The following CACNA2D1 variants were observed in gnomAD, a reference collection of about 807,000 sequenced individuals.
CACNA2D1 encodes the protein calcium voltage-gated channel auxiliary subunit alpha2delta 1, also known as voltage-dependent calcium channel subunit alpha-2/delta-1.
Under a neutral mutation model 171.5 loss-of-function variants are expected in CACNA2D1, and 53 were observed. The ratio of observed to expected loss-of-function variants is 0.31; its 90% CI spans 0.25 to 0.39. The LOEUF (loss-of-function observed/expected upper bound fraction) is 0.39. Ranked by LOEUF, CACNA2D1 falls within the 10% of genes least tolerant of loss-of-function variation. The pLI, the probability that CACNA2D1 is intolerant of heterozygous loss-of-function variation, is 1.00. For synonymous variants in CACNA2D1, 442 were observed against 443.1 expected, an observed-to-expected ratio of 1.00 and a Z score of 0.03; for missense variants, 903 against 1,299.8, an observed-to-expected ratio of 0.69 and a Z score of 4.69.
chr7:82,083,193 G>C (rs1810012339), intron 7 of CACNA2D1, among the ~76,000 whole-genome samples: 1 of 151,794 alleles, frequency 6.6e-6, no homozygotes, highest in South Asian at 2.1e-4. Flanking sequence ...ATATTGTTAT[G>C]ATAAAGGATA....
At chr7:82,385,993 T>C (rs1045946786) in intron 1 of CACNA2D1, among the ~76,000 whole-genome samples, 3 of 152,124 alleles carry the variant, frequency 2.0e-5, no homozygotes, top group Non-Finnish European at 4.4e-5. Flanking sequence ...TGAGCTACAT[T>C]CTAGCATTAA....
intron 3 of CACNA2D1, among the ~76,000 whole-genome samples, chr7:82,237,916 G>T (rs540628214): frequency 6.6e-6 from 1 of 151,996 alleles, no homozygotes; most frequent in East Asian, 1.9e-4. Flanking sequence ...AAAGAATAAA[G>T]TACAGTTAAA....
intron 32 of CACNA2D1, 54 bp downstream of exon 32, chr7:81,965,540 G>C (rs996404987): frequency 8.6e-5 from 78 of 910,998 alleles, no homozygotes; most frequent in Non-Finnish European, 1.4e-4. Context: ...TTGTAATGTT[G>C]ATCCGGGAAA....
rs1352943931 is a variant in CACNA2D1, at chr7:81,955,918, G to GT, written c.3159+3356_3159+3357insA. Among the ~76,000 whole-genome samples, 32 of 78,548 alleles carry GT rather than the reference G, an allele frequency of 4.1e-4. 1 individual carries two copies. The highest frequency in any genetic ancestry group is 5.4e-4 in the African/African-American group (11 of 20,230). 51.5% of individuals were successfully genotyped at this position (78,548 alleles called of 152,430 possible). A position where few individuals can be genotyped will look rare whatever the true frequency, so the allele number is the denominator to read the frequency against. Reference sequence around the variant, plus strand: ...ATGTTATTTTGGTGGGGGGGGGGGGGGGTGGTGGTCTTAGGTTAAAAAGAT... The same window carrying GT: ...ATGTTATTTTGGTGGGGGGGGGGGGGTGGTGGTGGTCTTAGGTTAAAAAGAT... On this transcript the variant is annotated intron_variant, in intron 38 of 38. Transcript: ENST00000356860.
intron 6 of CACNA2D1, among the ~76,000 whole-genome samples, chr7:82,110,011 G>A (rs1167485363): frequency 6.6e-6 from 1 of 152,124 alleles, no homozygotes; most frequent in African/African-American, 2.4e-5. Context: ...CTAGCGTTTG[G>A]AGGCTCAGAT....
At chr7:82,324,612 TA>T (rs1476778070) in intron 3 of CACNA2D1, among the ~76,000 whole-genome samples, 1 of 151,978 alleles carries the variant, frequency 6.6e-6, no homozygotes, top group Non-Finnish European at 1.5e-5. Context: ...ATTTTAGACT[TA>T]AAAATCCATA....
chr7:82,359,780 G>A (rs1820876958), intron 1 of CACNA2D1, among the ~76,000 whole-genome samples: 1 of 152,036 alleles, frequency 6.6e-6, no homozygotes, highest in Non-Finnish European at 1.5e-5. Context: ...TAATTTCCTT[G>A]AATGGATGGG....
At chr7:82,396,137 T>C (rs1825734793) in intron 1 of CACNA2D1, among the ~76,000 whole-genome samples, 2 of 152,252 alleles carry the variant, frequency 1.3e-5, no homozygotes, top group South Asian at 2.1e-4. Context: ...GCCACTTTTT[T>C]CTGAGTTGAA....
At chr7:82,175,196 G>A (rs1796436806) in intron 3 of CACNA2D1, among the ~76,000 whole-genome samples, 1 of 151,634 alleles carries the variant, frequency 6.6e-6, no homozygotes, top group Admixed American at 6.6e-5. Context: ...AATCATCAGG[G>A]ATCATATAAC....
intron 3 of CACNA2D1, among the ~76,000 whole-genome samples, chr7:82,225,285 G>T (rs1388743489): frequency 6.6e-6 from 1 of 152,128 alleles, no homozygotes; most frequent in Non-Finnish European, 1.5e-5. Context: ...TGATTGCCCT[G>T]ACAAAGGTAG....
chr7:82,002,792 G>A (rs1483969064), intron 18 of CACNA2D1, among the ~76,000 whole-genome samples: 1 of 151,734 alleles, frequency 6.6e-6, no homozygotes, highest in Non-Finnish European at 1.5e-5. Context: ...CTGAGAAAAT[G>A]TTATGAATCC....
chr7:82,361,776 T>C (rs1193469251), intron 1 of CACNA2D1, among the ~76,000 whole-genome samples: 1 of 152,144 alleles, frequency 6.6e-6, no homozygotes, highest in Admixed American at 6.5e-5. Flanking sequence ...ATTTTTCTAG[T>C]TAAATATTTA....
rs896265977 is a variant in CACNA2D1 at position 81,947,198 on chromosome 7, G to A, written c.*3194C>T. 6.6e-6 allele frequency: 1 copy of A among 151,874 alleles called. No individual in the cohort carries two copies. The highest frequency in any genetic ancestry group is 6.6e-5 in the Admixed American group (1 of 15,226). 9.4% of individuals were successfully genotyped at this position (151,874 alleles called of 1,614,324 possible). A position where few individuals can be genotyped will look rare whatever the true frequency, so the allele number is the denominator to read the frequency against. On this transcript the variant is annotated 3_prime_UTR_variant, in exon 39 of 39. Transcript: ENST00000356860. ...TAAAATACAAGAGAGCATCAAATAA[G>A]CAAGTAACACTTGGGTTGCAAAGGT...
intron 4 of CACNA2D1, among the ~76,000 whole-genome samples, chr7:82,158,409 A>G (rs1240599626): frequency 6.6e-6 from 1 of 151,918 alleles, no homozygotes; most frequent in Non-Finnish European, 1.5e-5. Flanking sequence ...TGTGTTTGAT[A>G]ATGACAGGTT....
At chr7:82,348,003 G>A (rs1819436301) in intron 2 of CACNA2D1, among the ~76,000 whole-genome samples, 1 of 152,078 alleles carries the variant, frequency 6.6e-6, no homozygotes, top group Non-Finnish European at 1.5e-5. Context: ...GGAACAATGA[G>A]GCCAGCCAAG....
At chr7:82,105,398 C>CTTTTTTTTT (rs572031121) in intron 6 of CACNA2D1, among the ~76,000 whole-genome samples, 33 of 99,462 alleles carry the variant, frequency 3.3e-4, no homozygotes, top group East Asian at 9.9e-4. Context: ...CAGTTTTTGT[C>CTTTTTTTTT]TTTTTTTTTT....
intron 3 of CACNA2D1, among the ~76,000 whole-genome samples, chr7:82,318,981 G>A (rs1014246690): frequency 3.9e-5 from 6 of 152,194 alleles, no homozygotes; most frequent in African/African-American, 1.2e-4. Flanking sequence ...CACATGATAA[G>A]TGCAAGGCAG....
chr7:82,343,268 G>A (rs898210070), intron 2 of CACNA2D1: 5 of 152,196 alleles, frequency 3.3e-5, no homozygotes, highest in Admixed American at 6.5e-5. Flanking sequence ...TATTTAGGAA[G>A]AATGAAGTCA....
At chr7:82,433,112 C>T (rs929166460) in intron 1 of CACNA2D1, among the ~76,000 whole-genome samples, 5 of 151,492 alleles carry the variant, frequency 3.3e-5, no homozygotes, top group African/African-American at 4.8e-5. Context: ...CACTTGAAGC[C>T]GGAAGGCAGA....
Sources: allele counts gnomAD v4.1 joint callset (sites outside exome capture counted in the v4.1 genomes callset), GRCh38; gene constraint gnomAD v4.1.1; transcripts MANE v1.5; gene names NCBI Gene and HGNC (gene_info 2026-07-23, HGNC 2026-07-21).